KBTBD11: variants seen among roughly 807,000 people sequenced by gnomAD.
The protein encoded by KBTBD11 is kelch repeat and BTB domain containing 11, also known as kelch repeat and BTB domain-containing protein 11.
For synonymous variants in KBTBD11, 747 were observed against 499.0 expected, an observed-to-expected ratio of 1.50 and a Z score of -6.63; for missense variants, 1,390 against 1,001.8, an observed-to-expected ratio of 1.39 and a Z score of -5.23.
At chr8:1,991,564 C>CA (rs1563370410) in intron 1 of KBTBD11, among the ~76,000 whole-genome samples, 14 of 151,356 alleles carry the variant, frequency 9.2e-5, no homozygotes, top group African/African-American at 3.4e-4. Flanking sequence ...GAGGGCAGGG[C>CA]CCTTGCTCCT....
chr8:1,976,766 A>C (rs893690153), intron 1 of KBTBD11, among the ~76,000 whole-genome samples: 1 of 152,216 alleles, frequency 6.6e-6, no homozygotes, highest in Non-Finnish European at 1.5e-5. Context: ...CCTTGAATGC[A>C]CGTAACAGAG....
At chr8:1,976,635 C>T (rs1247452033) in intron 1 of KBTBD11, among the ~76,000 whole-genome samples, 12 of 151,830 alleles carry the variant, frequency 7.9e-5, no homozygotes, top group Non-Finnish European at 1.5e-5. Flanking sequence ...TAAAGTCAGC[C>T]TAGTTCTCTG....
At chr8:1,990,997 GAT>G (rs1318985013) in intron 1 of KBTBD11, among the ~76,000 whole-genome samples, 89 of 7,554 alleles carry the variant, frequency 0.012, 32 homozygotes, top group African/African-American at 0.11. Flanking sequence ...TGTCCGGGTA[GAT>G]GCTGCGGGGC....
chr8:1,999,625 T>C (rs528881127), intron 1 of KBTBD11, among the ~76,000 whole-genome samples: 3 of 152,358 alleles, frequency 2.0e-5, no homozygotes, highest in South Asian at 2.1e-4. Context: ...ATTTTCCTTT[T>C]GCTGCATTTA....
Position 2,001,231 on chromosome 8 carries a change from G to A in KBTBD11, c.39G>A (p.Gly13=), listed in dbSNP as rs571687633. 2 of 1,473,986 alleles carry A rather than the reference G, an allele frequency of 1.4e-6. No individual in the cohort carries two copies. Among genetic ancestry groups the A allele is most frequent in the South Asian group, 2.6e-5 (2 of 76,784 alleles). The allele number at this position is 1,473,986 out of a possible 1,614,324, so 91.3% of individuals were successfully genotyped here. A position where few individuals can be genotyped will look rare whatever the true frequency, so the allele number is the denominator to read the frequency against. The part of the protein sequence containing the change: ...HAVAPCVLYP[G]TEPGAAGESE... ...TGGCCCCCTGCGTCCTCTACCCAGG[G>A]ACTGAGCCCGGGGCTGCCGGGGAGA... is the stretch of plus-strand genomic sequence containing the variant. The change falls in exon 2 of 2, where the codon GGG becomes GGA. Residue 13 remains glycine, a synonymous_variant. Transcript: ENST00000320248.
Position 2,003,153 on chromosome 8 carries a change from CG to C in KBTBD11, c.*93del. The C allele has an allele frequency of 1.6e-6, 2 of 1,246,008 alleles. No individual in the cohort carries two copies. Among genetic ancestry groups the C allele is most frequent in the Non-Finnish European group, 1.0e-6 (1 of 987,840 alleles). The allele number at this position is 1,246,008 out of a possible 1,614,324, so 77.2% of individuals were successfully genotyped here. ...CGCGGAGGAGGACGTGGTGGGGAGT[CG>C]GGGCCGCTGGCCACGCTGGTGGTTT... On this transcript the variant is annotated 3_prime_UTR_variant, in exon 2 of 2. Coordinates refer to ENST00000320248, the MANE Select transcript of KBTBD11 (RefSeq NM_014867.3).
intron 1 of KBTBD11, chr8:1,975,248 C>G (rs4876260): frequency 6.6e-6 from 1 of 152,134 alleles, no homozygotes; most frequent in Non-Finnish European, 1.5e-5. Context: ...TTTGAACTTT[C>G]CATGTCAGTT....
chr8:1,979,656 G>T (rs11783857), intron 1 of KBTBD11, among the ~76,000 whole-genome samples: 12 of 151,526 alleles, frequency 7.9e-5, no homozygotes, highest in Non-Finnish European at 1.2e-4. Flanking sequence ...AGTGACATTT[G>T]GACTGTGATT....
chr8:1,980,503 A>C (rs1277499179), intron 1 of KBTBD11, among the ~76,000 whole-genome samples: 1 of 152,132 alleles, frequency 6.6e-6, no homozygotes, highest in African/African-American at 2.4e-5. Flanking sequence ...GGGATTACAG[A>C]TGTGAGCCAC....
intron 1 of KBTBD11, chr8:1,974,350 C>A (rs1816246429): frequency 2.1e-5 from 21 of 984,508 alleles, no homozygotes; most frequent in Non-Finnish European, 2.5e-5. Flanking sequence ...CGCCGAGGGT[C>A]CCGCCGCCCC....
chr8:1,985,013 A>G (rs1350590286), intron 1 of KBTBD11, among the ~76,000 whole-genome samples: 1 of 152,206 alleles, frequency 6.6e-6, no homozygotes, highest in African/African-American at 2.4e-5. Flanking sequence ...CTGATCAGGT[A>G]TTGCATTCTC....
chr8:1,987,731 A>G (rs989665292), intron 1 of KBTBD11, among the ~76,000 whole-genome samples: 1 of 151,284 alleles, frequency 6.6e-6, no homozygotes, highest in African/African-American at 2.4e-5. Context: ...AGCCTTTATT[A>G]TTATTATTAT....
intron 1 of KBTBD11, among the ~76,000 whole-genome samples, chr8:1,976,788 C>A (rs368853342): frequency 1.5e-4 from 23 of 152,074 alleles, no homozygotes; most frequent in African/African-American, 5.3e-4. Flanking sequence ...AATGTTAGGC[C>A]GAGAACTAAG....
chr8:1,982,453 T>C (rs189021116), intron 1 of KBTBD11, among the ~76,000 whole-genome samples: 2 of 152,068 alleles, frequency 1.3e-5, no homozygotes, highest in East Asian at 1.9e-4. Context: ...TCAAGAGACA[T>C]AGAGTGCATG....
rs1157683794 is a variant in KBTBD11, at chr8:2,004,333, G to T, written c.*1269G>T. The T allele has an allele frequency of 6.0e-6, 1 of 166,778 alleles. No individual in the cohort carries two copies. Among genetic ancestry groups the T allele is most frequent in the Non-Finnish European group, 1.5e-5 (1 of 68,122 alleles). The allele number at this position is 166,778 out of a possible 1,614,324, so 10.3% of individuals were successfully genotyped here. ...TTTACTTTTCAAGTGTGTATACAGA[G>T]GACTTACTATTATGACTTTGAGGAT... On this transcript the variant is annotated 3_prime_UTR_variant, in exon 2 of 2. Coordinates refer to ENST00000320248, the MANE Select transcript of KBTBD11 (RefSeq NM_014867.3).
intron 1 of KBTBD11, chr8:1,974,398 C>A (rs988835922): frequency 2.0e-6 from 2 of 984,274 alleles, no homozygotes; most frequent in African/African-American, 3.5e-5. Flanking sequence ...CGAAGCCAAG[C>A]GCGCGGGGCC....
chr8:1,985,871 T>C (rs1816693208), intron 1 of KBTBD11, among the ~76,000 whole-genome samples: 1 of 152,204 alleles, frequency 6.6e-6, no homozygotes, highest in Non-Finnish European at 1.5e-5. Context: ...TAAAAGAGTT[T>C]GTAAAGAACG....
At chr8:1,980,965 C>G (rs1816521712) in intron 1 of KBTBD11, among the ~76,000 whole-genome samples, 1 of 152,196 alleles carries the variant, frequency 6.6e-6, no homozygotes, top group Non-Finnish European at 1.5e-5. Flanking sequence ...TTCTTCTCAG[C>G]TTGTTTCATA....
chr8:2,001,619 G>A lies in KBTBD11; in HGVS notation c.427G>A (p.Val143Met). The A allele has an allele frequency of 6.8e-7, 1 of 1,479,866 alleles. No individual in the cohort carries two copies. Among genetic ancestry groups the A allele is most frequent in the Non-Finnish European group, 8.9e-7 (1 of 1,120,790 alleles). The allele number at this position is 1,479,866 out of a possible 1,614,324, so 91.7% of individuals were successfully genotyped here. A position where few individuals can be genotyped will look rare whatever the true frequency, so the allele number is the denominator to read the frequency against. ...GGCGGTGTACGGGGAGCCGGACCTG[G>A]TGCTGGAGGTGTCGGGGCGCCGGCT... ...FGAVYGEPDLVLEVSGRRLRA... is the reference protein window; with the variant it reads ...FGAVYGEPDLMLEVSGRRLRA... The change falls in exon 2 of 2, where the codon GTG becomes ATG. Residue 143 changes from valine (V) to methionine (M), a missense_variant. Physicochemically the swap from Val to Met is conservative, Grantham distance 21. Coordinates refer to ENST00000320248, the MANE Select transcript of KBTBD11 (RefSeq NM_014867.3).
Sources: gnomAD v4.1 joint callset for allele counts (sites outside exome capture counted in the v4.1 genomes callset) on GRCh38, gnomAD v4.1.1 for gene constraint, MANE v1.5 for transcripts, NCBI Gene and HGNC (gene_info 2026-07-23, HGNC 2026-07-21) for gene names.